Variants in METTL15 observed in about 807,000 individuals in gnomAD.
METTL15 encodes the protein methyltransferase 15, mitochondrial 12S rRNA N4-cytidine, also known as 12S rRNA N(4)-cytidine methyltransferase METTL15.
METTL15 carries 34 observed loss-of-function variants against 38.3 expected under a neutral mutation model. The observed-to-expected ratio is 0.89, with a 90% CI of 0.68 to 1.18. METTL15 has a LOEUF of 1.18. Among genes scored for constraint, METTL15 ranks in the 50% most tolerant of loss-of-function variants. The pLI, the probability that METTL15 is intolerant of heterozygous loss-of-function variation, is 0.00. For missense variants in METTL15, 438 were observed against 498.4 expected (o/e 0.88, Z 1.15); for synonymous variants, 162 against 170.9 (o/e 0.95, Z 0.41).
chr11:28,478,476 G>T (rs1851366185), intron 6 of METTL15, among the ~76,000 whole-genome samples: 1 of 152,140 alleles, frequency 6.6e-6, no homozygotes, highest in Admixed American at 6.5e-5. Flanking sequence ...GACCTCTCTT[G>T]CATGGTTTCT....
intron 5 of METTL15, among the ~76,000 whole-genome samples, chr11:28,420,111 A>G (rs1407973394): frequency 6.6e-6 from 1 of 152,194 alleles, no homozygotes; most frequent in Non-Finnish European, 1.5e-5. Context: ...AAGTTTATTT[A>G]AAGAGATACT....
intron 5 of METTL15, among the ~76,000 whole-genome samples, chr11:28,293,963 C>T (rs1403502460): frequency 1.3e-5 from 2 of 152,096 alleles, no homozygotes; most frequent in African/African-American, 4.8e-5. Flanking sequence ...TGGGCTGAGA[C>T]GATGGGGTTT....
At chr11:28,328,058 A>G (rs367881857) in intron 6 of METTL15, 1 of 1,589,046 alleles carries the variant, frequency 6.3e-7, no homozygotes, top group African/African-American at 1.4e-5. Flanking sequence ...TTTACTTCCT[A>G]TTTTACATGA....
intron 4 of METTL15, among the ~76,000 whole-genome samples, chr11:28,245,859 A>G (rs1052186656): frequency 2.6e-5 from 4 of 151,334 alleles, no homozygotes; most frequent in Admixed American, 2.6e-4. Flanking sequence ...ACAAAATCTC[A>G]TGAGAACTCA....
intron 3 of METTL15, among the ~76,000 whole-genome samples, chr11:28,126,930 A>G (rs1852512450): frequency 6.6e-6 from 1 of 152,148 alleles, no homozygotes; most frequent in Non-Finnish European, 1.5e-5. Context: ...CATAAGGACA[A>G]AGAATCTAGA....
chr11:28,257,124 T>G (rs527941127), intron 4 of METTL15, among the ~76,000 whole-genome samples: 11 of 152,296 alleles, frequency 7.2e-5, no homozygotes, highest in East Asian at 5.8e-4. Context: ...TGAGAAAGTC[T>G]TTTCATGTAT....
chr11:28,401,917 C>T (rs1014784100), intron 5 of METTL15, among the ~76,000 whole-genome samples: 1 of 151,930 alleles, frequency 6.6e-6, no homozygotes, highest in Admixed American at 6.6e-5. Flanking sequence ...CAAAAGTGTA[C>T]CTTAATAAAT....
intron 6 of METTL15, among the ~76,000 whole-genome samples, chr11:28,507,020 T>G (rs979269819): frequency 6.6e-6 from 1 of 152,186 alleles, no homozygotes; most frequent in Non-Finnish European, 1.5e-5. Flanking sequence ...GCTGGAATTA[T>G]AGGCCTGAGC....
intron 4 of METTL15, among the ~76,000 whole-genome samples, chr11:28,217,008 G>A (rs1852914294): frequency 6.6e-6 from 1 of 151,922 alleles, no homozygotes; most frequent in African/African-American, 2.4e-5. Context: ...TGTGAATAGT[G>A]CCACAATAAA....
chr11:28,512,521 G>A (rs552751262), intron 6 of METTL15, among the ~76,000 whole-genome samples: 113 of 152,314 alleles, frequency 7.4e-4, no homozygotes, highest in Middle Eastern at 3.4e-3. Context: ...TCTCAGCGCC[G>A]GTGAGCCGGC....
At chr11:28,388,680 T>C (rs549042456) in intron 5 of METTL15, among the ~76,000 whole-genome samples, 2 of 152,066 alleles carry the variant, frequency 1.3e-5, no homozygotes, top group Non-Finnish European at 2.9e-5. Context: ...ACAATGACAC[T>C]TTTCTTTTTT....
chr11:28,286,099 A>AC (rs1856253123), intron 4 of METTL15, among the ~76,000 whole-genome samples: 1 of 152,160 alleles, frequency 6.6e-6, no homozygotes, highest in Non-Finnish European at 1.5e-5. Flanking sequence ...GAGTTAACTC[A>AC]CCTGATTGTG....
intron 3 of METTL15, among the ~76,000 whole-genome samples, chr11:28,141,240 T>G (rs1849689275): frequency 6.6e-6 from 1 of 152,166 alleles, no homozygotes; most frequent in Non-Finnish European, 1.5e-5. Flanking sequence ...TGTCTTCATG[T>G]GCTGAGTCAG....
chr11:28,400,445 A>G (rs1030604233), intron 5 of METTL15, among the ~76,000 whole-genome samples: 6 of 151,970 alleles, frequency 3.9e-5, no homozygotes, highest in Non-Finnish European at 8.8e-5. Flanking sequence ...AGCACCTCAG[A>G]TAAACATCAA....
chr11:28,294,984 A>G (rs943570157), intron 5 of METTL15, among the ~76,000 whole-genome samples: 6 of 152,130 alleles, frequency 3.9e-5, no homozygotes, highest in Admixed American at 1.3e-4. Context: ...GCTGGACTGT[A>G]TCCCATGGAT....
chr11:28,408,239 G>A (rs1223279327), intron 5 of METTL15, among the ~76,000 whole-genome samples: 3 of 152,206 alleles, frequency 2.0e-5, no homozygotes, highest in African/African-American at 4.8e-5. Flanking sequence ...GTTGATAGGC[G>A]CAGCACACCA....
intron 6 of METTL15, among the ~76,000 whole-genome samples, chr11:28,457,381 T>G (rs1477803225): frequency 1.3e-5 from 2 of 152,230 alleles, no homozygotes; most frequent in Admixed American, 6.5e-5. Flanking sequence ...AAGTCATCTT[T>G]AAGCACCTAT....
intron 3 of METTL15, among the ~76,000 whole-genome samples, chr11:28,132,922 C>T (rs76056558): frequency 0.013 from 1,978 of 152,202 alleles, 18 homozygotes; most frequent in Non-Finnish European, 0.02. Flanking sequence ...CAAGAAGATA[C>T]ATTTTTTTGA....
chr11:28,120,622 T>A (rs886882660), intron 3 of METTL15, among the ~76,000 whole-genome samples: 1 of 152,188 alleles, frequency 6.6e-6, no homozygotes, highest in Non-Finnish European at 1.5e-5. Context: ...AGTCTCTGCC[T>A]ATTTCTTCAA....
Sources: allele counts gnomAD v4.1 joint callset (sites outside exome capture counted in the v4.1 genomes callset), GRCh38; gene constraint gnomAD v4.1.1; transcripts MANE v1.5; gene names NCBI Gene and HGNC (gene_info 2026-07-23, HGNC 2026-07-21).